The following DNAI7 variants were observed in gnomAD, a reference collection of about 807,000 sequenced individuals.
DNAI7 encodes cancer susceptibility 1.
A neutral mutation model predicts 86.6 loss-of-function variants in DNAI7; 78 were observed. The observed-to-expected ratio is 0.90, with a 90% CI of 0.75 to 1.09. The LOEUF (loss-of-function observed/expected upper bound fraction) is 1.09, where lower values mean the gene tolerates loss of function less well. Ranked by LOEUF, DNAI7 falls within the 50% of genes least tolerant of loss-of-function variation. The pLI, the probability that DNAI7 is intolerant of heterozygous loss-of-function variation, is 0.00. For synonymous variants in DNAI7, 274 were observed against 273.0 expected, an observed-to-expected ratio of 1.00 and a Z score of -0.04; for missense variants, 753 against 810.2, an observed-to-expected ratio of 0.93 and a Z score of 0.86.
At chr12:25,142,773 T>G (rs1944361974) in intron 9 of DNAI7, among the ~76,000 whole-genome samples, 1 of 152,194 alleles carries the variant, frequency 6.6e-6, no homozygotes, top group Admixed American at 6.5e-5. Flanking sequence ...ATTTTGTATT[T>G]TACTCCATAT....
intron 9 of DNAI7, among the ~76,000 whole-genome samples, chr12:25,137,142 A>G (rs973592336): frequency 1.3e-5 from 2 of 152,182 alleles, no homozygotes; most frequent in East Asian, 3.8e-4. Flanking sequence ...GACAAAGGAA[A>G]AAGTCTTAAG....
intron 4 of DNAI7, among the ~76,000 whole-genome samples, chr12:25,157,277 CAAAAAAAA>C (rs34695125): frequency 1.1e-5 from 1 of 89,032 alleles, no homozygotes; most frequent in Non-Finnish European, 2.1e-5. Context: ...GACTCCGTCT[CAAAAAAAA>C]AAAAAAAAAA....
intron 13 of DNAI7, among the ~76,000 whole-genome samples, chr12:25,113,187 C>T (rs1021261178): frequency 1.3e-5 from 2 of 152,162 alleles, no homozygotes; most frequent in Admixed American, 6.5e-5. Flanking sequence ...CTATATACAA[C>T]AGGAGGGTAG....
At chr12:25,131,104 T>C (rs1002875550) in intron 9 of DNAI7, among the ~76,000 whole-genome samples, 1 of 151,698 alleles carries the variant, frequency 6.6e-6, no homozygotes, top group African/African-American at 2.4e-5. Context: ...GATATAATGA[T>C]GTAAGATTTA....
At chr12:25,165,337 A>G (rs1947332913) in intron 2 of DNAI7, among the ~76,000 whole-genome samples, 1 of 152,318 alleles carries the variant, frequency 6.6e-6, no homozygotes, top group Admixed American at 6.5e-5. Flanking sequence ...AACCCCAGCC[A>G]TATCTCCAGC....
intron 6 of DNAI7, among the ~76,000 whole-genome samples, chr12:25,153,576 T>G (rs1392974926): frequency 2.6e-5 from 4 of 152,218 alleles, no homozygotes; most frequent in Non-Finnish European, 5.9e-5. Context: ...CTCCCAGCCA[T>G]ACAGGAGTCT....
chr12:25,158,160 C>T (rs1410324731), intron 4 of DNAI7, among the ~76,000 whole-genome samples: 5 of 151,614 alleles, frequency 3.3e-5, no homozygotes, highest in East Asian at 1.9e-4. Flanking sequence ...ACCCAGGAGG[C>T]GGAGCTTGCA....
intron 2 of DNAI7, among the ~76,000 whole-genome samples, chr12:25,188,713 C>CTGGGTT (rs1303156807): frequency 6.6e-6 from 1 of 150,506 alleles, no homozygotes; most frequent in Non-Finnish European, 1.5e-5. Flanking sequence ...GATTTCTTCT[C>CTGGGTT]TGGGTTTGGT....
In DNAI7 at chr12:25,114,800, G is replaced by A. The variant is rs768584012; in HGVS notation, c.1467C>T (p.Ser489=). 3.6e-5 allele frequency: 58 copies of A among 1,613,896 alleles called. No individual in the cohort carries two copies. Among genetic ancestry groups the A allele is most frequent in the Non-Finnish European group, 2.7e-5 (32 of 1,179,924 alleles). Residue 489 remains serine (S), a synonymous_variant, in exon 13 of 16, where the codon AGC becomes AGT. Coordinates refer to ENST00000395987, the MANE Select transcript of DNAI7 (RefSeq NM_018272.5). ...AGGTAACAGGGCCAAAGGTGTCCAG[G>A]CTGAATGTTACAAGTCTTTCTTTTG... ...YKPKERLVTF[S]LDTFGPVTLI...
chr12:25,152,409 C>G (rs992410349), intron 6 of DNAI7, among the ~76,000 whole-genome samples: 6 of 151,978 alleles, frequency 3.9e-5, no homozygotes, highest in African/African-American at 1.5e-4. Context: ...ATAAAAAACT[C>G]AAACAACGAG....
chr12:25,111,872 G>T lies in DNAI7; in HGVS notation c.1679C>A (p.Thr560Asn). 1.2e-6 allele frequency: 2 copies of T among 1,606,676 alleles called. No individual in the cohort carries two copies. Among genetic ancestry groups the T allele is most frequent in the Non-Finnish European group, 1.7e-6 (2 of 1,175,608 alleles). ...AATGAAAGGAATAGGAGTCATCCAG[G>T]TTCCTTCCAAAATAGAGATGTGTTT... ...DKKHISILEGTWMTPIPFIIA... is the reference protein window; with the variant it reads ...DKKHISILEGNWMTPIPFIIA... The change falls in exon 14 of 16, where the codon ACC becomes AAC. Residue 560 changes from threonine (T) to asparagine (N), a missense_variant. Transcript: ENST00000395987.
chr12:25,107,113 G>A (rs1949218096), downstream of DNAI7: 8 of 862,226 alleles, frequency 9.3e-6, no homozygotes, highest in Admixed American at 1.8e-4. Context: ...AGGCAGGGCT[G>A]ACAGTATTAA....
chr12:25,142,188 C>T (rs916150551), intron 9 of DNAI7, among the ~76,000 whole-genome samples: 19 of 152,200 alleles, frequency 1.2e-4, no homozygotes, highest in African/African-American at 4.3e-4. Context: ...GAAATAATGG[C>T]ATTTGCAGCA....
chr12:25,141,050 CA>C lies in DNAI7; in HGVS notation c.1002+3314del, dbSNP rs562021843. On this transcript the variant is annotated intron_variant, in intron 9 of 15. Coordinates refer to ENST00000395987, the MANE Select transcript of DNAI7 (RefSeq NM_018272.5). Reference sequence around the variant, plus strand: ...CTGAATCCTCATCTCTCACCTTATACAAAAATCAACTCAAAATGAATCAAAG... The same window carrying C: ...CTGAATCCTCATCTCTCACCTTATACAAAATCAACTCAAAATGAATCAAAG... 3.6e-3 allele frequency among the ~76,000 whole-genome samples: 549 copies of C among 152,216 alleles called. 5 individuals are homozygous for C. Among genetic ancestry groups the C allele is most frequent in the African/African-American group, 0.012 (510 of 41,524 alleles).
intron 10 of DNAI7, 68 bp downstream of exon 10, chr12:25,123,143 A>T: frequency 9.7e-7 from 1 of 1,031,834 alleles, no homozygotes; most frequent in Non-Finnish European, 1.4e-6. Flanking sequence ...TTTAACAATG[A>T]TCCTGTATTT....
chr12:25,135,907 C>G (rs1292264182), intron 9 of DNAI7, among the ~76,000 whole-genome samples: 1 of 152,102 alleles, frequency 6.6e-6, no homozygotes, highest in Non-Finnish European at 1.5e-5. Context: ...ACCTGATGGT[C>G]TTTCTTTACC....
intron 9 of DNAI7, 44 bp downstream of exon 9, chr12:25,144,321 A>G: frequency 6.8e-7 from 1 of 1,474,880 alleles, no homozygotes; most frequent in Non-Finnish European, 9.4e-7. Context: ...CTAATAACGC[A>G]TGCTGCATGA....
At chr12:25,132,324 C>A (rs1943033167) in intron 9 of DNAI7, among the ~76,000 whole-genome samples, 1 of 151,948 alleles carries the variant, frequency 6.6e-6, no homozygotes, top group Non-Finnish European at 1.5e-5. Flanking sequence ...GGTAAAGAGG[C>A]CTCTAGATTT....
At chr12:25,174,539 GGATATATATAT>G (rs1235284275) in intron 2 of DNAI7, among the ~76,000 whole-genome samples, 1 of 88,280 alleles carries the variant, frequency 1.1e-5, no homozygotes, top group Non-Finnish European at 2.1e-5. Flanking sequence ...CATATATATG[GGATATATATAT>G]GATATATATA....
Sources: allele counts gnomAD v4.1 joint callset (sites outside exome capture counted in the v4.1 genomes callset), GRCh38; gene constraint gnomAD v4.1.1; transcripts MANE v1.5; gene names NCBI Gene and HGNC (gene_info 2026-07-23, HGNC 2026-07-21).